The following SEC22A variants were observed in gnomAD, a reference collection of about 807,000 sequenced individuals.
The protein encoded by SEC22A is SEC22 homolog A, vesicle trafficking protein.
In SEC22A, 22 loss-of-function variants were observed where a neutral mutation model predicts 35.3. The observed-to-expected ratio is 0.62, with a 90% confidence interval of 0.45 to 0.89. The LOEUF (loss-of-function observed/expected upper bound fraction) is 0.89, where lower values mean the gene tolerates loss of function less well. SEC22A is among the 40% of genes least tolerant of loss of function. The probability of loss-of-function intolerance (pLI) is 0.00; values close to 1 mark genes in which losing one functional copy is unlikely to be tolerated. For missense variants in SEC22A, 354 were observed against 362.5 expected (o/e 0.98, Z 0.19); for synonymous variants, 119 against 129.5 (o/e 0.92, Z 0.55).
At chr3:123,220,605 G>GT (rs1350978149) in intron 2 of SEC22A, among the ~76,000 whole-genome samples, 4 of 151,928 alleles carry the variant, frequency 2.6e-5, no homozygotes, top group Non-Finnish European at 5.9e-5. Context: ...AATATTTTCT[G>GT]TTATATTTTA....
chr3:123,204,909 C>T (rs1936823563), intron 1 of SEC22A: 1 of 152,222 alleles, frequency 6.6e-6, no homozygotes, highest in Non-Finnish European at 1.5e-5. Context: ...TAATCTCTTG[C>T]TTTCCACAGT....
rs971826264 is a variant in SEC22A, at chr3:123,258,006, AAAGG to A, written c.658-1507_658-1504del. Among the ~76,000 whole-genome samples, 15 of 151,866 alleles carry A rather than the reference AAAGG, an allele frequency of 9.9e-5. No individual in the cohort carries two copies. In the East Asian group the frequency reaches 1.9e-3, roughly 20 times the overall value. ...GACTCCATCTCATTGAAAAAAAAAA[AAAGG>A]AAGGAAGGAAAAGAGAGAAAAGAAG... is the stretch of plus-strand genomic sequence containing the variant. On this transcript the variant is annotated intron_variant, in intron 5 of 6. Transcript: ENST00000492595.
At chr3:123,231,711 T>C (rs889546556) in intron 4 of SEC22A, among the ~76,000 whole-genome samples, 3 of 152,138 alleles carry the variant, frequency 2.0e-5, no homozygotes, top group African/African-American at 7.2e-5. Flanking sequence ...TAAATGCCTA[T>C]GTTTAAAAAA....
At chr3:123,259,943 C>T (rs1488984550) in intron 6 of SEC22A, among the ~76,000 whole-genome samples, 1 of 151,824 alleles carries the variant, frequency 6.6e-6, no homozygotes, top group Non-Finnish European at 1.5e-5. Flanking sequence ...GGCCAGCTGG[C>T]CAACACGGTG....
chr3:123,230,129 ACT>A (rs1237152071), intron 4 of SEC22A, among the ~76,000 whole-genome samples: 1 of 151,984 alleles, frequency 6.6e-6, no homozygotes, highest in Non-Finnish European at 1.5e-5. Context: ...GTAGAGCAAG[ACT>A]CTGACTCGTA....
intron 4 of SEC22A, among the ~76,000 whole-genome samples, chr3:123,231,552 TAGAC>T (rs950782277): frequency 4.6e-5 from 7 of 152,156 alleles, no homozygotes; most frequent in Admixed American, 3.3e-4. Context: ...ATGTGGAAGT[TAGAC>T]AGTACATTCC....
At chr3:123,220,887 T>TATATATATATATATATATATATAC (rs1327323830) in intron 2 of SEC22A, among the ~76,000 whole-genome samples, 1 of 143,736 alleles carries the variant, frequency 7.0e-6, no homozygotes, top group Non-Finnish European at 1.5e-5. Flanking sequence ...TATACATATA[T>TATATATATATATATATATATATAC]ATATATATAT....
At chr3:123,247,179 A>G (rs763097101) in intron 5 of SEC22A, among the ~76,000 whole-genome samples, 1 of 152,236 alleles carries the variant, frequency 6.6e-6, no homozygotes, top group African/African-American at 2.4e-5. Flanking sequence ...AAGAAGAAAC[A>G]AAGACAATTT....
intron 4 of SEC22A, among the ~76,000 whole-genome samples, chr3:123,240,583 A>C (rs1480780378): frequency 6.6e-6 from 1 of 152,222 alleles, no homozygotes; most frequent in Admixed American, 6.5e-5. Flanking sequence ...ATTGCACATA[A>C]AGCTACGATG....
chr3:123,232,253 A>G (rs955979266), intron 4 of SEC22A, among the ~76,000 whole-genome samples: 1 of 152,158 alleles, frequency 6.6e-6, no homozygotes. Context: ...GAAAAAAGAA[A>G]TGAAAAGGAT....
At chr3:123,222,843 A>G (rs74381677) in intron 2 of SEC22A, among the ~76,000 whole-genome samples, 3,313 of 152,252 alleles carry the variant, frequency 0.022, 114 homozygotes, top group African/African-American at 0.076. Context: ...ACTAACCCGT[A>G]AAAATTTCCC....
chr3:123,249,171 C>G (rs774565004), intron 5 of SEC22A, among the ~76,000 whole-genome samples: 2 of 152,148 alleles, frequency 1.3e-5, no homozygotes, highest in Non-Finnish European at 2.9e-5. Context: ...CTGAAAGAGT[C>G]CTGAGCACAG....
intron 4 of SEC22A, among the ~76,000 whole-genome samples, chr3:123,229,369 T>C (rs979282244): frequency 6.6e-6 from 1 of 152,190 alleles, no homozygotes; most frequent in Non-Finnish European, 1.5e-5. Flanking sequence ...GCTGACTTCT[T>C]AGCAGAACCA....
At chr3:123,245,125 G>C (rs1937555937) in intron 4 of SEC22A, among the ~76,000 whole-genome samples, 1 of 152,140 alleles carries the variant, frequency 6.6e-6, no homozygotes, top group Admixed American at 6.5e-5. Flanking sequence ...GCTTTCACAT[G>C]TATCCAGTGA....
At chr3:123,219,335 C>T (rs1312658946) in intron 2 of SEC22A, among the ~76,000 whole-genome samples, 1 of 152,106 alleles carries the variant, frequency 6.6e-6, no homozygotes, top group Non-Finnish European at 1.5e-5. Context: ...TTTCATTACT[C>T]TTAATTTCGG....
rs563678074 is a variant in SEC22A, at chr3:123,267,209, T to A, written c.724-4313T>A. 2.6e-5 allele frequency among the ~76,000 whole-genome samples: 4 copies of A among 152,268 alleles called. No homozygotes were observed. In the East Asian group the frequency reaches 7.7e-4, roughly 29 times the overall value. On this transcript the variant is annotated intron_variant, in intron 6 of 6. Transcript: ENST00000492595. ...TGTTTTTTAATATCCTGCCAATCTC[T>A]GTCTTTTCATTGCTGTACGTAAGTC... is the stretch of plus-strand genomic sequence containing the variant.
intron 6 of SEC22A, among the ~76,000 whole-genome samples, chr3:123,261,582 TTTAA>T (rs1937896048): frequency 6.6e-6 from 1 of 152,228 alleles, no homozygotes; most frequent in African/African-American, 2.4e-5. Flanking sequence ...CTGTGAGGTA[TTTAA>T]TATAATTTTA....
At chr3:123,239,783 G>GTTC (rs1275795484) in intron 4 of SEC22A, among the ~76,000 whole-genome samples, 4 of 152,084 alleles carry the variant, frequency 2.6e-5, no homozygotes, top group African/African-American at 9.7e-5. Context: ...TAGGTTGCCT[G>GTTC]TTCACTCTGA....
intron 2 of SEC22A, among the ~76,000 whole-genome samples, chr3:123,214,435 G>A (rs1340316465): frequency 1.3e-5 from 2 of 152,180 alleles, no homozygotes; most frequent in Non-Finnish European, 2.9e-5. Flanking sequence ...CATTCAGAGT[G>A]CCAGAGAAAC....
Sources: allele counts gnomAD v4.1 joint callset (sites outside exome capture counted in the v4.1 genomes callset), GRCh38; gene constraint gnomAD v4.1.1; transcripts MANE v1.5; gene names NCBI Gene and HGNC (gene_info 2026-07-23, HGNC 2026-07-21).